SP140L: variants seen among roughly 807,000 people sequenced by gnomAD.
The protein encoded by SP140L is nuclear body protein SP140-like protein.
SP140L carries 64 observed loss-of-function variants against 84.3 expected under a neutral mutation model. The observed-to-expected ratio is 0.76, with a 90% CI of 0.62 to 0.94. The LOEUF (loss-of-function observed/expected upper bound fraction) is 0.94. Ranked by LOEUF, SP140L falls within the 40% of genes least tolerant of loss-of-function variation. SP140L has a pLI of 0.00. For synonymous variants in SP140L, 242 were observed against 236.9 expected, an observed-to-expected ratio of 1.02 and a Z score of -0.20; for missense variants, 628 against 692.5, an observed-to-expected ratio of 0.91 and a Z score of 1.05.
At chr2:230,386,753 A>G (rs2061598094) in intron 9 of SP140L, among the ~76,000 whole-genome samples, 1 of 152,234 alleles carries the variant, frequency 6.6e-6, no homozygotes, top group African/African-American at 2.4e-5. Flanking sequence ...AAACAGATTT[A>G]ATGAAAGCTA....
At chr2:230,355,762 A>G (rs961214189) in intron 2 of SP140L, among the ~76,000 whole-genome samples, 1 of 152,148 alleles carries the variant, frequency 6.6e-6, no homozygotes, top group Non-Finnish European at 1.5e-5. Context: ...GTGACCTTGG[A>G]GTGGCAAATT....
chr2:230,378,390 C>T (rs1165130093), intron 7 of SP140L, among the ~76,000 whole-genome samples: 6 of 152,168 alleles, frequency 3.9e-5, no homozygotes, highest in Admixed American at 2.0e-4. Flanking sequence ...TGTCCATGTT[C>T]TAGGCAGTCA....
intron 2 of SP140L, among the ~76,000 whole-genome samples, chr2:230,352,632 C>G (rs1415470827): frequency 6.6e-6 from 1 of 152,090 alleles, no homozygotes; most frequent in African/African-American, 2.4e-5. Flanking sequence ...CAAACCATAT[C>G]ATTTGGCAAA....
chr2:230,376,931 CT>C (rs2061258554), intron 7 of SP140L, among the ~76,000 whole-genome samples: 4 of 152,232 alleles, frequency 2.6e-5, no homozygotes, highest in African/African-American at 7.2e-5. Flanking sequence ...TTCAAGTAAT[CT>C]TTGATAAGGG....
chr2:230,354,885 G>GAAAGAA (rs1553617609), intron 2 of SP140L, among the ~76,000 whole-genome samples: 6 of 124,408 alleles, frequency 4.8e-5, no homozygotes, highest in African/African-American at 1.8e-4. Flanking sequence ...AAGAAAGAAA[G>GAAAGAA]AAAGAAAGAA....
At chr2:230,393,299 G>A (rs2061903056) in intron 12 of SP140L, 115 bp from the exon 13 acceptor site, 1 of 1,167,206 alleles carries the variant, frequency 8.6e-7, no homozygotes, top group Non-Finnish European at 1.2e-6. Context: ...GACACACTGG[G>A]TTTGAGCTGG....
At chr2:230,390,581 G>A (rs1180007381) in intron 11 of SP140L, among the ~76,000 whole-genome samples, 3 of 152,174 alleles carry the variant, frequency 2.0e-5, no homozygotes, top group African/African-American at 7.2e-5. Context: ...ACATATTAAT[G>A]TAAAATATTT....
intron 7 of SP140L, chr2:230,371,896 G>A (rs2061086833): frequency 2.2e-6 from 1 of 455,204 alleles, no homozygotes; most frequent in African/African-American, 2.0e-5. Flanking sequence ...ATGATCCTGG[G>A]TTATGTGGTG....
chr2:230,400,754 C>T, intron 15 of SP140L: 1 of 1,259,752 alleles, frequency 7.9e-7, no homozygotes. Context: ...CTGAGGCTTC[C>T]CTCCTGCTGC....
intron 9 of SP140L, 111 bp from the exon 10 acceptor site, chr2:230,388,448 T>C: frequency 2.5e-6 from 2 of 806,256 alleles, no homozygotes; most frequent in Non-Finnish European, 3.7e-6. Context: ...TTTATTTATA[T>C]ATTAAACAGG....
At chr2:230,337,770 G>C (rs1160568909) in intron 2 of SP140L, among the ~76,000 whole-genome samples, 1 of 151,954 alleles carries the variant, frequency 6.6e-6, no homozygotes, top group African/African-American at 2.4e-5. Context: ...CCCATTGCTT[G>C]TTTTTCTCAG....
chr2:230,402,482 TTAAGA>T (rs1261282642), intron 18 of SP140L, among the ~76,000 whole-genome samples: 1 of 152,238 alleles, frequency 6.6e-6, no homozygotes, highest in Admixed American at 6.5e-5. Context: ...CTTAGGGTGT[TTAAGA>T]TAAGAGTCCT....
chr2:230,359,679 T>C lies in SP140L; in HGVS notation c.439+547T>C, dbSNP rs545426209. Among the ~76,000 whole-genome samples the C allele has an allele frequency of 4.8e-4, 73 of 152,334 alleles. 1 individual carries two copies. Among genetic ancestry groups the C allele is most frequent in the African/African-American group, 1.7e-3 (70 of 41,580 alleles). On this transcript the variant is annotated intron_variant, in intron 4 of 18. Coordinates refer to ENST00000415673, the MANE Select transcript of SP140L (RefSeq NM_138402.6). ...ATTATTCTTTCCCTACAGGTATTTATAGTTCATGTATAGTTTCAGGCAAAC... is the reference window on the plus strand; with the variant it reads ...ATTATTCTTTCCCTACAGGTATTTACAGTTCATGTATAGTTTCAGGCAAAC...
intron 14 of SP140L, 48 bp downstream of exon 14, chr2:230,396,846 C>T: frequency 5.0e-6 from 8 of 1,605,014 alleles, no homozygotes; most frequent in Non-Finnish European, 6.0e-6. Context: ...CCACTTCTTT[C>T]TCCAGGCATA....
chr2:230,401,932 T>C (rs888560891), intron 18 of SP140L, 125 bp downstream of exon 18: 5 of 840,206 alleles, frequency 6.0e-6, no homozygotes, highest in African/African-American at 1.7e-5. Flanking sequence ...CTGGAAGTGA[T>C]TGATTGGTTT....
chr2:230,396,670 T>A, intron 13 of SP140L, 87 bp from the exon 14 acceptor site: 2 of 1,507,826 alleles, frequency 1.3e-6, no homozygotes, highest in Non-Finnish European at 1.8e-6. Context: ...CTGAATCCCT[T>A]CAAAGATGAC....
intron 16 of SP140L, 139 bp downstream of exon 16, chr2:230,401,202 C>A: frequency 4.5e-6 from 3 of 662,972 alleles, no homozygotes; most frequent in African/African-American, 1.9e-5. Context: ...GAACACCACA[C>A]CTTGTTTGCA....
intron 2 of SP140L, among the ~76,000 whole-genome samples, chr2:230,331,361 C>T (rs923664835): frequency 5.9e-5 from 9 of 152,100 alleles, no homozygotes; most frequent in Non-Finnish European, 8.8e-5. Flanking sequence ...TTCAGGCATC[C>T]GCTGGGGATC....
At chr2:230,375,192 T>G (rs187812563) in intron 7 of SP140L, among the ~76,000 whole-genome samples, 5 of 152,348 alleles carry the variant, frequency 3.3e-5, no homozygotes, top group Non-Finnish European at 7.4e-5. Flanking sequence ...AGATGATAAT[T>G]AAGAGATATA....
Sources: gnomAD v4.1 joint callset for allele counts (sites outside exome capture counted in the v4.1 genomes callset) on GRCh38, gnomAD v4.1.1 for gene constraint, MANE v1.5 for transcripts, NCBI Gene and HGNC (gene_info 2026-07-23, HGNC 2026-07-21) for gene names.